Variants in GATA6 observed in about 807,000 individuals in gnomAD.
GATA6 encodes transcription factor GATA-6.
In GATA6, 11 loss-of-function variants were observed where a neutral mutation model predicts 48.1. The ratio of observed to expected loss-of-function variants is 0.23; its 90% CI spans 0.14 to 0.38. The LOEUF is 0.38. Ranked by LOEUF, GATA6 falls within the 10% of genes least tolerant of loss-of-function variation. The pLI is 1.00. For synonymous variants in GATA6, 419 were observed against 396.1 expected, an observed-to-expected ratio of 1.06 and a Z score of -0.69; for missense variants, 795 against 850.3, an observed-to-expected ratio of 0.93 and a Z score of 0.81.
chr18:22,200,879 T>C lies in GATA6; in HGVS notation c.*56T>C. The C allele has an allele frequency of 6.5e-7, 1 of 1,549,064 alleles. No individual in the cohort carries two copies. The highest frequency in any genetic ancestry group is 8.8e-7 in the Non-Finnish European group (1 of 1,141,936). On this transcript the variant is annotated 3_prime_UTR_variant, in exon 7 of 7. Coordinates refer to ENST00000269216, the MANE Select transcript of GATA6 (RefSeq NM_005257.6). Reference sequence around the variant, plus strand: ...CGCCGCGGGCCTCACTCCACTCGTGTCTGCTTTTGTGCAGCGGTCCAGACA... The same window carrying C: ...CGCCGCGGGCCTCACTCCACTCGTGCCTGCTTTTGTGCAGCGGTCCAGACA...
chr18:22,187,018 AT>A lies in GATA6; in HGVS notation c.1620+3982del, dbSNP rs200044487. Among the ~76,000 whole-genome samples, 1,370 of 152,096 alleles carry A rather than the reference AT, an allele frequency of 9.0e-3. 24 individuals carry two copies. The highest frequency in any genetic ancestry group is 0.031 in the African/African-American group (1,287 of 41,514). The stretch of plus-strand genomic sequence containing the variant: ...TACAGCCCTGCTTAAAATATTGCCT[AT>A]TTTTTTCTTTTGAAATTATTTTTGT... On this transcript the variant is annotated intron_variant, in intron 6 of 6. Transcript: ENST00000269216.
At chr18:22,193,043 G>C (rs1378453467) in intron 6 of GATA6, among the ~76,000 whole-genome samples, 1 of 152,200 alleles carries the variant, frequency 6.6e-6, no homozygotes, top group Non-Finnish European at 1.5e-5. Context: ...AGGGGCGAGA[G>C]GGGTATGGGT....
intron 6 of GATA6, among the ~76,000 whole-genome samples, chr18:22,197,590 G>A (rs1018160236): frequency 8.5e-5 from 13 of 152,050 alleles, no homozygotes; most frequent in Admixed American, 8.5e-4. Context: ...TCCTTCTCTC[G>A]CCAATAACAA....
chr18:22,191,365 GC>G (rs929538053), intron 6 of GATA6, among the ~76,000 whole-genome samples: 3 of 64,082 alleles, frequency 4.7e-5, no homozygotes, highest in African/African-American at 1.8e-4. Context: ...TCTCCCACCC[GC>G]CCCCCCAACG....
At position 22,200,798 on chromosome 18, in the gene GATA6, C is replaced by T; in HGVS notation, c.1763C>T (p.Ser588Phe). Residue 588 changes from serine to phenylalanine, a missense_variant, in exon 7 of 7, where the codon TCC (serine) becomes TTC (phenylalanine). By Grantham distance (155) the Ser-to-Phe change is radical. Around this residue, in one of 5 missense-constraint regions of GATA6, gnomAD observed 103 missense variants for 103.7 expected, o/e 0.99. Coordinates refer to ENST00000269216, the MANE Select transcript of GATA6 (RefSeq NM_005257.6). ...GTCACGTCCTCCGTGCGACCGGATT[C>T]CTGGTGCGCCCTGGCCCTGGCCTGA... Reference protein sequence around the residue: ...AEVTSSVRPDSWCALALA With the variant: ...AEVTSSVRPDFWCALALA 1 of 1,612,264 alleles carries T rather than the reference C, an allele frequency of 6.2e-7. No individual in the cohort carries two copies. The highest frequency in any genetic ancestry group is 1.1e-5 in the South Asian group (1 of 90,980).
chr18:22,199,211 A>G (rs1439275341), intron 6 of GATA6, among the ~76,000 whole-genome samples: 1 of 152,122 alleles, frequency 6.6e-6, no homozygotes, highest in African/African-American at 2.4e-5. Context: ...GGCTCGGCAC[A>G]CTTCCTTTCT....
intron 6 of GATA6, among the ~76,000 whole-genome samples, chr18:22,183,696 T>A (rs1031033762): frequency 2.0e-5 from 3 of 152,214 alleles, no homozygotes; most frequent in African/African-American, 7.2e-5. Flanking sequence ...TTCGTGAGGA[T>A]CACAGACTTA....
At chr18:22,197,299 C>T (rs560066618) in intron 6 of GATA6, among the ~76,000 whole-genome samples, 3 of 152,154 alleles carry the variant, frequency 2.0e-5, no homozygotes, top group Admixed American at 1.3e-4. Flanking sequence ...GATCCACCTG[C>T]CTCGGCCTCT....
At position 22,171,366 on chromosome 18, in the gene GATA6, G is replaced by A. The variant is rs374402554; in HGVS notation, c.222G>A (p.Pro74=). 5.7e-4 allele frequency: 911 copies of A among 1,584,364 alleles called. 9 individuals carry two copies. The African/African-American group carries it at 0.011, about 20-fold the overall frequency. ...ACACGGAGGCGGCGGCCGGACCCCC[G>A]GCCCGCTCGCTGCTGCTCAGTTCCT... The part of the protein sequence containing the change: ...QLDTEAAAGP[P]ARSLLLSSYA... The change falls in exon 2 of 7, where the codon CCG becomes CCA. Residue 74 remains proline (P), a synonymous_variant. Coordinates refer to ENST00000269216, the MANE Select transcript of GATA6 (RefSeq NM_005257.6). The surrounding 1 kb of genome is among the most constrained non-coding windows in gnomAD (Gnocchi z 7.1).
Position 22,200,817 on chromosome 18 carries a change from G to GGCCTGA in GATA6, c.1786_*3dup, listed in dbSNP as rs1402105660. On this transcript the variant is annotated stop_gained and inframe_insertion, in exon 7 of 7. Transcript: ENST00000269216. LOFTEE classifies it high-confidence loss of function. Reference sequence around the variant, plus strand: ...CGGATTCCTGGTGCGCCCTGGCCCTGGCCTGAGCCCACGCCGCCAGGAGGC... The same window carrying GGCCTGA: ...CGGATTCCTGGTGCGCCCTGGCCCTGGCCTGAGCCTGAGCCCACGCCGCCAGGAGGC... 3.7e-6 allele frequency: 6 copies of GGCCTGA among 1,609,290 alleles called. No individual in the cohort carries two copies. Among genetic ancestry groups the GGCCTGA allele is most frequent in the Non-Finnish European group, 5.1e-6 (6 of 1,177,998 alleles).
At chr18:22,174,095 G>C (rs539412300) in intron 2 of GATA6, among the ~76,000 whole-genome samples, 10 of 152,342 alleles carry the variant, frequency 6.6e-5, no homozygotes, top group Non-Finnish European at 1.3e-4. Flanking sequence ...CCCGTGTTTG[G>C]CTCCCAGGAG....
chr18:22,171,124 T>C lies in GATA6; in HGVS notation c.-21T>C. The stretch of plus-strand genomic sequence containing the variant: ...CCACCTCAGGAGCTAGACGTCAGCT[T>C]GGAGCGGCGCCGGACCGTGGATGGC... On this transcript the variant is annotated 5_prime_UTR_variant, in exon 2 of 7. Coordinates refer to ENST00000269216, the MANE Select transcript of GATA6 (RefSeq NM_005257.6). This position sits in a 1 kb window ranked among gnomAD's most constrained non-coding sequence, Gnocchi z 7.1. 6.3e-7 allele frequency: 1 copy of C among 1,597,826 alleles called. No homozygotes were observed. The highest frequency in any genetic ancestry group is 8.5e-7 in the Non-Finnish European group (1 of 1,178,394).
At chr18:22,174,960 G>C (rs1041426482) in intron 2 of GATA6, among the ~76,000 whole-genome samples, 1 of 152,050 alleles carries the variant, frequency 6.6e-6, no homozygotes, top group Non-Finnish European at 1.5e-5. Flanking sequence ...CTGCAGAACT[G>C]TGAGTCCCTG....
rs1478639323 is a variant in GATA6 at position 22,188,586 on chromosome 18, T to C, written c.1620+5543T>C. ...GGTGGAAAGTAGATACTTGAAAATA[T>C]TTCAAATCAACGATGGACTTTATTT... On this transcript the variant is annotated intron_variant, in intron 6 of 6. Transcript: ENST00000269216. 2.0e-5 allele frequency among the ~76,000 whole-genome samples: 3 copies of C among 152,200 alleles called. No homozygotes were observed. The East Asian group carries it at 5.8e-4, about 29-fold the overall frequency.
chr18:22,190,165 T>G (rs1269587280), intron 6 of GATA6, among the ~76,000 whole-genome samples: 1 of 152,248 alleles, frequency 6.6e-6, no homozygotes, highest in African/African-American at 2.4e-5. Context: ...AGTTATTTGC[T>G]CTTGACCAAG....
chr18:22,199,411 A>G (rs1351631619), intron 6 of GATA6, among the ~76,000 whole-genome samples: 1 of 152,232 alleles, frequency 6.6e-6, no homozygotes, highest in East Asian at 1.9e-4. Flanking sequence ...AGAAGGAAAA[A>G]GGTGATTTTA....
At chr18:22,175,186 G>A (rs746419063) in intron 2 of GATA6, among the ~76,000 whole-genome samples, 17 of 152,108 alleles carry the variant, frequency 1.1e-4, no homozygotes, top group Non-Finnish European at 2.4e-4. Flanking sequence ...ATAGCTGCCT[G>A]GTGGGTTTGG....
At chr18:22,190,607 G>A (rs1025314870) in intron 6 of GATA6, among the ~76,000 whole-genome samples, 1 of 152,070 alleles carries the variant, frequency 6.6e-6, no homozygotes. Flanking sequence ...GAGTTATGTG[G>A]TTAGGTATTA....
chr18:22,188,207 G>A (rs748353478), intron 6 of GATA6, among the ~76,000 whole-genome samples: 2 of 152,194 alleles, frequency 1.3e-5, no homozygotes, highest in Non-Finnish European at 2.9e-5. Flanking sequence ...TATATGACCA[G>A]CCCTTGCTTT....
Sources: allele counts gnomAD v4.1 joint callset (sites outside exome capture counted in the v4.1 genomes callset), GRCh38; gene constraint gnomAD v4.1.1; regional missense constraint gnomAD v4.1.1; non-coding constraint Gnocchi (gnomAD v3.1); transcripts MANE v1.5; gene names NCBI Gene and HGNC (gene_info 2026-07-23, HGNC 2026-07-21).